Variants in ROCK2 observed in about 807,000 individuals in gnomAD.
ROCK2 encodes rho-associated protein kinase 2.
Under a neutral mutation model 195.1 loss-of-function variants are expected in ROCK2, and 61 were observed. The observed-to-expected ratio is 0.31, with a 90% confidence interval of 0.25 to 0.39. The LOEUF is 0.39. Among genes scored for constraint, ROCK2 ranks in the 10% least tolerant of loss-of-function variants. ROCK2 has a pLI of 1.00. For missense variants in ROCK2, 1,109 were observed against 1,637.4 expected (o/e 0.68, Z 5.57); for synonymous variants, 504 against 545.5 (o/e 0.92, Z 1.06).
Position 11,202,135 on chromosome 2 carries a change from G to A in ROCK2, c.2550-14C>T. 6.2e-7 allele frequency: 1 copy of A among 1,603,898 alleles called. No individual in the cohort carries two copies. The highest frequency in any genetic ancestry group is 8.5e-7 in the Non-Finnish European group (1 of 1,171,244). On this transcript the variant is annotated splice_polypyrimidine_tract_variant and intron_variant, in intron 20 of 32. Transcript: ENST00000315872. ...TCCTGACGTTCTCTGTGAGGACAAT[G>A]AATCAAAGGTTTAAATAACTTACAC...
chr2:11,294,377 A>C (rs549451600), intron 1 of ROCK2, among the ~76,000 whole-genome samples: 14 of 152,318 alleles, frequency 9.2e-5, no homozygotes, highest in African/African-American at 1.4e-4. Flanking sequence ...ACTTTATATA[A>C]CATCTCCTTA....
rs1442266853 is a variant in ROCK2 at position 11,305,202 on chromosome 2, C to T, written c.142-17466G>A. On this transcript the variant is annotated intron_variant, in intron 1 of 32. Coordinates refer to ENST00000315872, the MANE Select transcript of ROCK2 (RefSeq NM_004850.5). ...ACCAGCCTGGCCAGCATGGCGAAAC[C>T]CTGTCTTTACTAAAAATACAAAAAT... Among the ~76,000 whole-genome samples the T allele has an allele frequency of 2.6e-5, 4 of 152,066 alleles. No homozygotes were observed. The East Asian group carries it at 5.8e-4, about 22-fold the overall frequency.
intron 1 of ROCK2, among the ~76,000 whole-genome samples, chr2:11,316,557 C>CA (rs1289443655): frequency 6.6e-6 from 1 of 152,154 alleles, no homozygotes; most frequent in Admixed American, 6.6e-5. Flanking sequence ...GTAGTTCTGG[C>CA]ATGTGTCTCT....
At chr2:11,188,858 A>ACGTGATCCACCTGCCTCGGCCTCC (rs1261611233) in intron 32 of ROCK2, among the ~76,000 whole-genome samples, 3 of 151,916 alleles carry the variant, frequency 2.0e-5, no homozygotes, top group Admixed American at 1.3e-4. Flanking sequence ...TCTCCTGACC[A>ACGTGATCCACCTGCCTCGGCCTCC]CGTGATCCAC....
chr2:11,192,140 TTTA>T lies in ROCK2; in HGVS notation c.4163+5_4163+7del, dbSNP rs778552121. ...TTTTTTTTTCCTTACCACATTTTAG[TTTA>T]TTACCTAGGTTTGTTTGGGGCAAGC... On this transcript the variant is annotated splice_donor_5th_base_variant and intron_variant, in intron 32 of 32. Coordinates refer to ENST00000315872, the MANE Select transcript of ROCK2 (RefSeq NM_004850.5). This position sits in a 1 kb window ranked among gnomAD's most constrained non-coding sequence, Gnocchi z 5.0. 6 of 1,550,652 alleles carry T rather than the reference TTTA, an allele frequency of 3.9e-6. No homozygotes were observed. The East Asian group carries it at 1.1e-4, about 29-fold the overall frequency.
chr2:11,315,484 A>T (rs1446870899), intron 1 of ROCK2, among the ~76,000 whole-genome samples: 1 of 152,038 alleles, frequency 6.6e-6, no homozygotes, highest in Non-Finnish European at 1.5e-5. Context: ...AAAAACAGTA[A>T]ATTATCTGAG....
At chr2:11,230,516 A>G (rs1030283755) in intron 5 of ROCK2, among the ~76,000 whole-genome samples, 3 of 152,152 alleles carry the variant, frequency 2.0e-5, no homozygotes, top group African/African-American at 7.2e-5. Flanking sequence ...AGTACTGTCA[A>G]ATGATAGAGA....
Position 11,339,370 on chromosome 2 carries a change from T to C in ROCK2, c.141+4626A>G, listed in dbSNP as rs140367236. 4.9e-4 allele frequency among the ~76,000 whole-genome samples: 74 copies of C among 152,166 alleles called. No individual in the cohort carries two copies. The East Asian group carries it at 0.013, about 26-fold the overall frequency. On this transcript the variant is annotated intron_variant, in intron 1 of 32. Transcript: ENST00000315872. ...TACTATACTTCGAAATTTTCTATAA[T>C]AACATCATGGGGAAAATTTTCAACT...
intron 1 of ROCK2, among the ~76,000 whole-genome samples, chr2:11,291,984 AATGACAGACT>A (rs1667376198): frequency 2.1e-5 from 1 of 48,744 alleles, no homozygotes; most frequent in African/African-American, 3.7e-5. Context: ...ATGATAGACA[AATGACAGACT>A]ATGATAGTTA....
At chr2:11,260,566 C>T (rs556284655) in intron 3 of ROCK2, among the ~76,000 whole-genome samples, 2 of 151,254 alleles carry the variant, frequency 1.3e-5, no homozygotes, top group East Asian at 3.9e-4. Context: ...TGCTTCCTAA[C>T]TTCATTAGAG....
chr2:11,324,499 T>G (rs1189697975), intron 1 of ROCK2, among the ~76,000 whole-genome samples: 1 of 152,242 alleles, frequency 6.6e-6, no homozygotes, highest in African/African-American at 2.4e-5. Context: ...ATAGCAGCTT[T>G]ATACATAATT....
chr2:11,218,431 A>G (rs921057350), intron 11 of ROCK2, 24 bp downstream of exon 11: 1 of 1,550,454 alleles, frequency 6.4e-7, no homozygotes, highest in East Asian at 2.3e-5. Context: ...CAGTTTTTCA[A>G]TATATCTGAC....
chr2:11,243,839 T>C (rs983968497), intron 4 of ROCK2, among the ~76,000 whole-genome samples: 23 of 152,224 alleles, frequency 1.5e-4, no homozygotes, highest in African/African-American at 5.3e-4. Flanking sequence ...TTCAGTTTAA[T>C]GTATCAATAC....
At chr2:11,269,836 G>C (rs1666562308) in intron 3 of ROCK2, among the ~76,000 whole-genome samples, 1 of 152,106 alleles carries the variant, frequency 6.6e-6, no homozygotes, top group Non-Finnish European at 1.5e-5. Context: ...CAGGAGCCTT[G>C]ACCTCCCAGG....
At chr2:11,228,234 G>C (rs1307373576) in intron 5 of ROCK2, among the ~76,000 whole-genome samples, 1 of 152,142 alleles carries the variant, frequency 6.6e-6, no homozygotes, top group Non-Finnish European at 1.5e-5. Context: ...GCCCAGTAAA[G>C]AGTGTGTTGC....
upstream of ROCK2, among the ~76,000 whole-genome samples, chr2:11,344,944 G>A (rs1208262798): frequency 6.9e-6 from 1 of 145,212 alleles, no homozygotes; most frequent in African/African-American, 2.5e-5. The surrounding 1 kb of genome is among the most constrained non-coding windows in gnomAD (Gnocchi z 5.4). Flanking sequence ...CCCTCCCGCC[G>A]GACCCCGCGG....
At chr2:11,308,246 G>C in intron 1 of ROCK2, 1 of 1,263,016 alleles carries the variant, frequency 7.9e-7, no homozygotes, top group East Asian at 2.3e-5. Context: ...GCGAAGTACA[G>C]CTTTACAGTC....
intron 3 of ROCK2, among the ~76,000 whole-genome samples, chr2:11,258,806 G>A (rs1287967021): frequency 1.3e-5 from 2 of 151,058 alleles, no homozygotes; most frequent in South Asian, 2.1e-4. Context: ...TAAGGTATAT[G>A]TGAAAGTGTT....
At chr2:11,317,627 T>A (rs200095088) in intron 1 of ROCK2, among the ~76,000 whole-genome samples, 1,572 of 31,306 alleles carry the variant, frequency 0.05, 215 homozygotes, top group Non-Finnish European at 0.068. Context: ...TTTTTTTTTT[T>A]AATTATACTT....
Sources: allele counts gnomAD v4.1 joint callset (sites outside exome capture counted in the v4.1 genomes callset), GRCh38; gene constraint gnomAD v4.1.1; non-coding constraint Gnocchi (gnomAD v3.1); transcripts MANE v1.5; gene names NCBI Gene and HGNC (gene_info 2026-07-23, HGNC 2026-07-21).